The following CNTN4 variants were observed in gnomAD, a reference collection of about 807,000 sequenced individuals.
The protein encoded by CNTN4 is contactin 4, also known as contactin-4.
In CNTN4, 77 loss-of-function variants were observed where a neutral mutation model predicts 122.5. The ratio of observed to expected loss-of-function variants is 0.63; its 90% CI spans 0.52 to 0.76. The LOEUF is 0.76. CNTN4 is among the 30% of genes least tolerant of loss of function. CNTN4 has a pLI of 0.00. For missense variants in CNTN4, 1,256 were observed against 1,259.1 expected (o/e 1.00, Z 0.04); for synonymous variants, 512 against 447.0 (o/e 1.15, Z -1.83).
chr3:2,859,414 A>T (rs2150755558), intron 7 of CNTN4, among the ~76,000 whole-genome samples: 1 of 152,264 alleles, frequency 6.6e-6, no homozygotes, highest in African/African-American at 2.4e-5. Flanking sequence ...TTGGATTTTC[A>T]GTTTCATAAT....
chr3:2,404,758 A>G (rs1043347120), intron 3 of CNTN4, among the ~76,000 whole-genome samples: 2 of 152,194 alleles, frequency 1.3e-5, no homozygotes, highest in African/African-American at 4.8e-5. Flanking sequence ...TTTGAGGGAC[A>G]GCTCTAGAAT....
intron 2 of CNTN4, among the ~76,000 whole-genome samples, chr3:2,298,276 A>C (rs919077325): frequency 6.6e-6 from 1 of 152,170 alleles, no homozygotes; most frequent in African/African-American, 2.4e-5. Context: ...ATTAAAATCT[A>C]GCCTTAACTT....
chr3:2,176,047 T>C (rs1388564730), intron 2 of CNTN4, among the ~76,000 whole-genome samples: 7 of 152,178 alleles, frequency 4.6e-5, no homozygotes, highest in Admixed American at 4.6e-4. Flanking sequence ...TTGTAATCTC[T>C]TTGGCAGAAA....
At chr3:2,496,473 T>C (rs1459645144) in intron 3 of CNTN4, among the ~76,000 whole-genome samples, 2 of 151,940 alleles carry the variant, frequency 1.3e-5, no homozygotes, top group African/African-American at 4.8e-5. Flanking sequence ...AAGTGAAAAA[T>C]ATGACATAGA....
intron 5 of CNTN4, 71 bp downstream of exon 5, chr3:2,736,412 A>G: frequency 8.4e-7 from 1 of 1,184,112 alleles, no homozygotes; most frequent in Non-Finnish European, 1.2e-6. Flanking sequence ...ATACTTATAC[A>G]ATGCTGGTTA....
intron 7 of CNTN4, among the ~76,000 whole-genome samples, chr3:2,853,937 C>A (rs11708315): frequency 6.6e-6 from 1 of 151,990 alleles, no homozygotes; most frequent in Non-Finnish European, 1.5e-5. Context: ...AACCAATTGA[C>A]GAAGCATTGC....
chr3:2,940,730 T>C (rs934439354), intron 13 of CNTN4, among the ~76,000 whole-genome samples: 2 of 81,140 alleles, frequency 2.5e-5, no homozygotes, highest in Non-Finnish European at 5.6e-5. Flanking sequence ...CTCAGAGAAG[T>C]TAAGGGTAAA....
At chr3:2,503,390 A>C (rs560410013) in intron 3 of CNTN4, among the ~76,000 whole-genome samples, 1 of 152,258 alleles carries the variant, frequency 6.6e-6, no homozygotes, top group East Asian at 1.9e-4. Flanking sequence ...ATGTTCGAAA[A>C]TTTTATAATA....
At chr3:2,120,374 A>AAATATATATAT (rs2033653616) in intron 2 of CNTN4, among the ~76,000 whole-genome samples, 4 of 59,088 alleles carry the variant, frequency 6.8e-5, no homozygotes, top group Non-Finnish European at 6.3e-5. Context: ...TATATATATA[A>AAATATATATAT]ATATATATAT....
At chr3:2,913,361 G>A (rs922256631) in intron 12 of CNTN4, among the ~76,000 whole-genome samples, 1 of 152,110 alleles carries the variant, frequency 6.6e-6, no homozygotes, top group Non-Finnish European at 1.5e-5. Flanking sequence ...AAAAGATATA[G>A]CTTGACTGAA....
At chr3:2,490,515 A>G (rs1415596187) in intron 3 of CNTN4, among the ~76,000 whole-genome samples, 1 of 131,966 alleles carries the variant, frequency 7.6e-6, no homozygotes, top group African/African-American at 2.5e-5. Flanking sequence ...TACAAAGAGT[A>G]AAGTTGTTCA....
intron 3 of CNTN4, among the ~76,000 whole-genome samples, chr3:2,523,955 C>T (rs1201638658): frequency 6.6e-6 from 1 of 152,032 alleles, no homozygotes; most frequent in Non-Finnish European, 1.5e-5. Context: ...AAATTCTCAA[C>T]CAAATCTTTT....
chr3:2,630,143 A>G (rs2082367362), intron 4 of CNTN4, among the ~76,000 whole-genome samples: 1 of 152,148 alleles, frequency 6.6e-6, no homozygotes, highest in African/African-American at 2.4e-5. Context: ...AAGACACAGA[A>G]CCATCTGAAG....
chr3:2,277,749 T>C (rs1364951766), intron 2 of CNTN4, among the ~76,000 whole-genome samples: 1 of 152,212 alleles, frequency 6.6e-6, no homozygotes, highest in Non-Finnish European at 1.5e-5. Context: ...AAAATATTGA[T>C]TTCCCTCCAT....
intron 6 of CNTN4, among the ~76,000 whole-genome samples, chr3:2,772,136 G>C (rs572983585): frequency 6.6e-6 from 1 of 152,094 alleles, no homozygotes; most frequent in Non-Finnish European, 1.5e-5. Flanking sequence ...GGTGGCTGAC[G>C]ATCTCAAAGG....
chr3:2,156,814 C>T (rs572035052), intron 2 of CNTN4, among the ~76,000 whole-genome samples: 1 of 152,284 alleles, frequency 6.6e-6, no homozygotes, highest in Admixed American at 6.5e-5. Flanking sequence ...TATTAAGAGA[C>T]CATGATCCGA....
At chr3:2,236,850 A>G (rs1379315495) in intron 2 of CNTN4, among the ~76,000 whole-genome samples, 1 of 152,206 alleles carries the variant, frequency 6.6e-6, no homozygotes, top group African/African-American at 2.4e-5. Flanking sequence ...AGCAAGGGAG[A>G]TCACATATCA....
At chr3:2,145,386 G>T (rs1242266286) in intron 2 of CNTN4, among the ~76,000 whole-genome samples, 1 of 152,184 alleles carries the variant, frequency 6.6e-6, no homozygotes, top group Non-Finnish European at 1.5e-5. Flanking sequence ...TTGTCACATT[G>T]CATCTCTCTC....
chr3:2,368,425 G>C (rs1005172915), intron 3 of CNTN4, among the ~76,000 whole-genome samples: 1 of 151,992 alleles, frequency 6.6e-6, no homozygotes, highest in African/African-American at 2.4e-5. Flanking sequence ...AGCCATTTAC[G>C]TAGGTCAATT....
Sources: gnomAD v4.1 joint callset for allele counts (sites outside exome capture counted in the v4.1 genomes callset) on GRCh38, gnomAD v4.1.1 for gene constraint, MANE v1.5 for transcripts, NCBI Gene and HGNC (gene_info 2026-07-23, HGNC 2026-07-21) for gene names.